UEVLD: variants seen among roughly 807,000 people sequenced by gnomAD.
The protein encoded by UEVLD is UEV and lactate/malate dehyrogenase domains, also known as ubiquitin-conjugating enzyme E2 variant 3.
A neutral mutation model predicts 58.6 loss-of-function variants in UEVLD; 47 were observed. The observed-to-expected ratio is 0.80, with a 90% CI of 0.63 to 1.02. UEVLD has a LOEUF of 1.02. Ranked by LOEUF, UEVLD falls within the 50% of genes least tolerant of loss-of-function variation. The pLI is 0.00. For synonymous variants in UEVLD, 197 were observed against 195.3 expected (o/e 1.01, Z -0.07); for missense variants, 510 against 550.6 (o/e 0.93, Z 0.74).
chr11:18,539,184 G>C (rs2133961920), intron 9 of UEVLD: 1 of 142,532 alleles, frequency 7.0e-6, no homozygotes, highest in African/African-American at 2.6e-5. Flanking sequence ...CAATTCTCCT[G>C]CCTCAGCCTC....
intron 10 of UEVLD, among the ~76,000 whole-genome samples, chr11:18,536,083 G>A (rs1000077530): frequency 1.3e-5 from 2 of 152,196 alleles, no homozygotes; most frequent in Non-Finnish European, 2.9e-5. Flanking sequence ...GCAGTGAGCC[G>A]AGATCGCGCC....
At chr11:18,532,869 T>C (rs1196914804) in intron 11 of UEVLD, among the ~76,000 whole-genome samples, 1 of 152,042 alleles carries the variant, frequency 6.6e-6, no homozygotes, top group African/African-American at 2.4e-5. Flanking sequence ...ATAGCTTCTT[T>C]AAAAAATAAA....
chr11:18,558,139 G>A, intron 7 of UEVLD, 89 bp downstream of exon 7: 1 of 848,960 alleles, frequency 1.2e-6, no homozygotes, highest in East Asian at 2.6e-5. Context: ...TGGACAAGGT[G>A]ATCTTTAAGG....
At chr11:18,570,471 G>T (rs1852545403) in intron 3 of UEVLD, 94 bp from the exon 4 acceptor site, 2 of 1,214,466 alleles carry the variant, frequency 1.6e-6, no homozygotes, top group South Asian at 3.5e-5. Flanking sequence ...AGTAGGCTGG[G>T]GTGGTGGCTG....
At chr11:18,575,792 T>C (rs988791365) in intron 2 of UEVLD, among the ~76,000 whole-genome samples, 1 of 152,042 alleles carries the variant, frequency 6.6e-6, no homozygotes, top group Non-Finnish European at 1.5e-5. Context: ...ATGAGAAAAT[T>C]TGAAAACTTA....
chr11:18,583,765 G>A (rs1459121117), intron 1 of UEVLD, among the ~76,000 whole-genome samples: 6 of 148,294 alleles, frequency 4.0e-5, no homozygotes, highest in Non-Finnish European at 8.9e-5. Flanking sequence ...AGGTTCAAGC[G>A]ATTGTCCTGC....
Position 18,566,448 on chromosome 11 carries a change from ATTTCT to A in UEVLD, c.387_391del (p.Lys129AsnfsTer18). On this transcript the variant is annotated frameshift_variant, in exon 5 of 12. Coordinates refer to ENST00000396197, the MANE Select transcript of UEVLD (RefSeq NM_001040697.4). LOFTEE classifies it high-confidence loss of function. ...AAGTTCCTCTTGAAACTTGGCAATC[ATTTCT>A]TTAATTAATCCAACAATGACAGATT... 6.2e-7 allele frequency: 1 copy of A among 1,614,096 alleles called. No individual in the cohort carries two copies. The highest frequency in any genetic ancestry group is 8.5e-7 in the Non-Finnish European group (1 of 1,180,022).
At chr11:18,578,912 G>A in intron 1 of UEVLD, 104 bp from the exon 2 acceptor site, 2 of 730,164 alleles carry the variant, frequency 2.7e-6, no homozygotes, top group East Asian at 2.9e-5. Context: ...CTGTTGCCCA[G>A]GCTGGAATGC....
chr11:18,544,513 G>T (rs1851205021), intron 9 of UEVLD, 110 bp downstream of exon 9: 4 of 1,163,758 alleles, frequency 3.4e-6, no homozygotes, highest in Admixed American at 2.7e-5. Context: ...TTGCTATGTT[G>T]CCCAGGCTGG....
At position 18,588,633 on chromosome 11, in the gene UEVLD, G is replaced by T; in HGVS notation, c.22C>A (p.Leu8Met). Reference protein sequence around the residue: MEFDCEGLRRLLGKYKFR... With the variant: MEFDCEGMRRLLGKYKFR... Reference sequence around the variant, plus strand: ...CGCACCTTGCCAAGCAGCCGTCTCAGGCCCTCGCAGTCGAACTCCATCTCC... The same window carrying T: ...CGCACCTTGCCAAGCAGCCGTCTCATGCCCTCGCAGTCGAACTCCATCTCC... Residue 8 changes from leucine (L) to methionine (M), a missense_variant, in exon 1 of 12, where the codon CTG becomes ATG. Coordinates refer to ENST00000396197, the MANE Select transcript of UEVLD (RefSeq NM_001040697.4). 1 of 1,610,254 alleles carries T rather than the reference G, an allele frequency of 6.2e-7. No homozygotes were observed. Among genetic ancestry groups the T allele is most frequent in the South Asian group, 1.1e-5 (1 of 91,064 alleles).
At chr11:18,547,176 C>T in intron 7 of UEVLD, 126 bp from the exon 8 acceptor site, 1 of 899,248 alleles carries the variant, frequency 1.1e-6, no homozygotes, top group South Asian at 1.8e-5. Context: ...CATAAATCAA[C>T]CCCAGATCCA....
intron 1 of UEVLD, among the ~76,000 whole-genome samples, chr11:18,581,984 G>C (rs1462936016): frequency 2.0e-5 from 3 of 152,172 alleles, no homozygotes; most frequent in African/African-American, 7.2e-5. Flanking sequence ...TGTTTAGTCT[G>C]TTGGGCAAAA....
chr11:18,574,730 CTG>C (rs1365379066), intron 3 of UEVLD, among the ~76,000 whole-genome samples: 5 of 152,112 alleles, frequency 3.3e-5, no homozygotes, highest in Non-Finnish European at 5.9e-5. Flanking sequence ...TTAATGGCTT[CTG>C]TGTTGTAAAA....
Position 18,556,035 on chromosome 11 carries a change from A to G in UEVLD, c.715+2193T>C, listed in dbSNP as rs148540419. Among the ~76,000 whole-genome samples, 540 of 152,336 alleles carry G rather than the reference A, an allele frequency of 3.5e-3. 4 individuals carry two copies. The highest frequency in any genetic ancestry group is 5.8e-3 in the Admixed American group (89 of 15,300). ...ATGATATACACTCATTCAACATTCA[A>G]CAGATAATTACTGACTCCCTACTTG... is the stretch of plus-strand genomic sequence containing the variant. On this transcript the variant is annotated intron_variant, in intron 7 of 11. Transcript: ENST00000396197.
At chr11:18,585,345 T>A (rs570220926) in intron 1 of UEVLD, among the ~76,000 whole-genome samples, 18 of 152,258 alleles carry the variant, frequency 1.2e-4, no homozygotes, top group Non-Finnish European at 4.4e-5. Context: ...TTTAGGTCTT[T>A]AATCCACTGG....
intron 7 of UEVLD, among the ~76,000 whole-genome samples, chr11:18,557,441 C>T (rs1182775013): frequency 3.3e-5 from 5 of 152,174 alleles, no homozygotes; most frequent in South Asian, 4.2e-4. Flanking sequence ...CGTGAGCCAC[C>T]GCGCCTGGCC....
chr11:18,585,688 G>A (rs553725112), intron 1 of UEVLD, among the ~76,000 whole-genome samples: 1 of 151,330 alleles, frequency 6.6e-6, no homozygotes, highest in Admixed American at 6.6e-5. Flanking sequence ...CTCAGGCTGG[G>A]GTGCAGTGGC....
intron 10 of UEVLD, among the ~76,000 whole-genome samples, chr11:18,535,166 T>A (rs1332389424): frequency 6.6e-6 from 1 of 152,216 alleles, no homozygotes; most frequent in Non-Finnish European, 1.5e-5. Context: ...ATTTTTTCTT[T>A]TTAGAGACAG....
In UEVLD at chr11:18,547,838, T is replaced by C. The variant is rs575467981; in HGVS notation, c.716-788A>G. Among the ~76,000 whole-genome samples, 462 of 152,098 alleles carry C rather than the reference T, an allele frequency of 3.0e-3. 3 individuals are homozygous for C. Among genetic ancestry groups the C allele is most frequent in the Admixed American group, 4.7e-3 (72 of 15,260 alleles). On this transcript the variant is annotated intron_variant, in intron 7 of 11. Coordinates refer to ENST00000396197, the MANE Select transcript of UEVLD (RefSeq NM_001040697.4). ...CTTACTTTGGCCTATCCAAGCAGAA[T>C]AGTGGTGCTTTTTAAAAATCTGTTT...
Sources: gnomAD v4.1 joint callset for allele counts (sites outside exome capture counted in the v4.1 genomes callset) on GRCh38, gnomAD v4.1.1 for gene constraint, MANE v1.5 for transcripts, NCBI Gene and HGNC (gene_info 2026-07-23, HGNC 2026-07-21) for gene names.